Variants in CRYBG1 observed in about 807,000 individuals in gnomAD.
The protein encoded by CRYBG1 is beta/gamma crystallin domain-containing protein 1.
A neutral mutation model predicts 189.2 loss-of-function variants in CRYBG1; 139 were observed. That is an observed-to-expected ratio of 0.73 (90% CI 0.64 to 0.85). The LOEUF (loss-of-function observed/expected upper bound fraction) is 0.85. Ranked by LOEUF, CRYBG1 falls within the 40% of genes least tolerant of loss-of-function variation. The pLI is 0.00. For synonymous variants in CRYBG1, 1,023 were observed against 1,017.1 expected (o/e 1.01, Z -0.11); for missense variants, 2,611 against 2,675.8 (o/e 0.98, Z 0.53).
chr6:106,409,317 G>C (rs553610674), intron 1 of CRYBG1, among the ~76,000 whole-genome samples: 1 of 152,126 alleles, frequency 6.6e-6, no homozygotes, highest in Non-Finnish European at 1.5e-5. Flanking sequence ...ACTTACAAGG[G>C]ATGTGAAAGA....
chr6:106,567,357 A>G (rs905778169), intron 21 of CRYBG1, among the ~76,000 whole-genome samples: 2 of 152,234 alleles, frequency 1.3e-5, no homozygotes. Flanking sequence ...CTAGCCATAC[A>G]TCTAGCTGTG....
chr6:106,553,005 G>A (rs1480770063), intron 15 of CRYBG1, among the ~76,000 whole-genome samples: 1 of 152,120 alleles, frequency 6.6e-6, no homozygotes, highest in East Asian at 1.9e-4. Context: ...AATTATAGAG[G>A]AACAAACACC....
At chr6:106,524,193 G>A (rs975364197) in intron 4 of CRYBG1, among the ~76,000 whole-genome samples, 1 of 152,066 alleles carries the variant, frequency 6.6e-6, no homozygotes, top group Non-Finnish European at 1.5e-5. Context: ...TGCATTTCTG[G>A]TTTTACTGGT....
intron 2 of CRYBG1, among the ~76,000 whole-genome samples, chr6:106,504,117 T>A (rs1461345755): frequency 6.6e-6 from 1 of 151,644 alleles, no homozygotes; most frequent in Non-Finnish European, 1.5e-5. Flanking sequence ...AAAAAGATTT[T>A]TTTAAAAAAA....
rs142607165 is a variant in CRYBG1, at chr6:106,408,427, G to A, written c.174-43267G>A. Among the ~76,000 whole-genome samples the A allele has an allele frequency of 4.2e-3, 640 of 152,206 alleles. 8 individuals carry two copies. The highest frequency in any genetic ancestry group is 0.016 in the South Asian group (79 of 4,816). Reference sequence around the variant, plus strand: ...CCTAGGACTAGGCAGATTCACAGCCGAATTCTACCAGAGGTACAAAGAGGA... The same window carrying A: ...CCTAGGACTAGGCAGATTCACAGCCAAATTCTACCAGAGGTACAAAGAGGA... On this transcript the variant is annotated intron_variant, in intron 1 of 21. Transcript: ENST00000633556.
chr6:106,543,669 C>G, intron 11 of CRYBG1, 72 bp downstream of exon 11: 1 of 1,482,472 alleles, frequency 6.7e-7, no homozygotes, highest in Non-Finnish European at 9.2e-7. Context: ...GCCCTTTCCC[C>G]CCTAAAAACA....
At chr6:106,378,474 T>C (rs1770218931) in intron 1 of CRYBG1, among the ~76,000 whole-genome samples, 1 of 152,198 alleles carries the variant, frequency 6.6e-6, no homozygotes, top group Admixed American at 6.5e-5. Flanking sequence ...CAAGTGCCTG[T>C]GGGGATTGCT....
At chr6:106,402,405 A>G (rs372727301) in intron 1 of CRYBG1, among the ~76,000 whole-genome samples, 1 of 59,680 alleles carries the variant, frequency 1.7e-5, no homozygotes, top group African/African-American at 7.0e-5. Context: ...CTATACTACA[A>G]GGCTACAGTA....
chr6:106,528,149 T>G (rs958044000), intron 7 of CRYBG1, among the ~76,000 whole-genome samples: 5 of 152,328 alleles, frequency 3.3e-5, no homozygotes, highest in Non-Finnish European at 7.4e-5. Context: ...TACATGAGAA[T>G]GAGTAAGGAT....
chr6:106,478,125 T>C (rs1772369188), intron 2 of CRYBG1, among the ~76,000 whole-genome samples: 1 of 152,218 alleles, frequency 6.6e-6, no homozygotes, highest in South Asian at 2.1e-4. Context: ...ACTGCTCCTT[T>C]GGGTTTGGAA....
chr6:106,440,645 AG>A (rs1167915332), intron 1 of CRYBG1, among the ~76,000 whole-genome samples: 5 of 152,206 alleles, frequency 3.3e-5, no homozygotes, highest in African/African-American at 1.2e-4. Context: ...ATGGCTGTAA[AG>A]CCTAAAAGTA....
intron 3 of CRYBG1, among the ~76,000 whole-genome samples, chr6:106,517,435 C>CACACATATAT (rs1773462865): frequency 1.6e-4 from 20 of 124,312 alleles, no homozygotes; most frequent in Admixed American, 1.5e-3. Flanking sequence ...TATATACACA[C>CACACATATAT]ACACATATAT....
At chr6:106,564,211 G>A (rs1774807385) in intron 21 of CRYBG1, among the ~76,000 whole-genome samples, 1 of 152,126 alleles carries the variant, frequency 6.6e-6, no homozygotes, top group Non-Finnish European at 1.5e-5. Flanking sequence ...GCTCAAAGGG[G>A]TTGGCCAGTT....
intron 20 of CRYBG1, 72 bp downstream of exon 20, chr6:106,561,572 G>T: frequency 6.6e-7 from 1 of 1,505,968 alleles, no homozygotes; most frequent in Non-Finnish European, 9.0e-7. Context: ...ATATGCTTTT[G>T]ATCTTTTCTT....
At chr6:106,533,820 G>A (rs1202332801) in intron 8 of CRYBG1, among the ~76,000 whole-genome samples, 2 of 152,132 alleles carry the variant, frequency 1.3e-5, no homozygotes, top group Non-Finnish European at 2.9e-5. Flanking sequence ...CAAGTAAGTG[G>A]GCAAGAAGGT....
chr6:106,496,940 C>T lies in CRYBG1; in HGVS notation c.313-14490C>T, dbSNP rs574449207. Among the ~76,000 whole-genome samples, 317 of 152,292 alleles carry T rather than the reference C, an allele frequency of 2.1e-3. 2 individuals are homozygous for T. Among genetic ancestry groups the T allele is most frequent in the Non-Finnish European group, 3.9e-3 (264 of 68,018 alleles). On this transcript the variant is annotated intron_variant, in intron 2 of 21. Coordinates refer to ENST00000633556, the MANE Select transcript of CRYBG1 (RefSeq NM_001371242.2). ...AGGAGAGCCTGGCGCACAGGCTTGT[C>T]CACCCCAAGCCTGTACAGGAGCAGT... is the stretch of plus-strand genomic sequence containing the variant.
intron 11 of CRYBG1, among the ~76,000 whole-genome samples, chr6:106,543,872 G>A (rs2792466): frequency 0.58 from 88,193 of 151,976 alleles, 25,941 homozygotes; most frequent in East Asian, 0.89. Flanking sequence ...ACCAACATGG[G>A]GAAACCCCAT....
In CRYBG1 at chr6:106,431,815, A is replaced by G. The variant is rs565046306; in HGVS notation, c.174-19879A>G. Among the ~76,000 whole-genome samples, 18 of 152,138 alleles carry G rather than the reference A, an allele frequency of 1.2e-4. No individual in the cohort carries two copies. The South Asian group carries it at 2.1e-3, about 18-fold the overall frequency. On this transcript the variant is annotated intron_variant, in intron 1 of 21. Coordinates refer to ENST00000633556, the MANE Select transcript of CRYBG1 (RefSeq NM_001371242.2). ...TACAGCACCCACCCTACAGAGGGCC[A>G]GCTGGCTCCCTGGGAATTCTATCAA...
chr6:106,439,163 T>G (rs1428017392), intron 1 of CRYBG1, among the ~76,000 whole-genome samples: 1 of 152,072 alleles, frequency 6.6e-6, no homozygotes, highest in Non-Finnish European at 1.5e-5. Flanking sequence ...TTAATTTTGC[T>G]AATAAAATAT....
Sources: gnomAD v4.1 joint callset for allele counts (sites outside exome capture counted in the v4.1 genomes callset) on GRCh38, gnomAD v4.1.1 for gene constraint, MANE v1.5 for transcripts, NCBI Gene and HGNC (gene_info 2026-07-23, HGNC 2026-07-21) for gene names.